NELL1: variants seen among roughly 807,000 people sequenced by gnomAD.
The protein encoded by NELL1 is neural EGFL like 1.
In NELL1, 76 loss-of-function variants were observed where a neutral mutation model predicts 107.4. The observed-to-expected ratio is 0.71, with a 90% CI of 0.59 to 0.86. NELL1 has a LOEUF of 0.86. Among genes scored for constraint, NELL1 ranks in the 40% least tolerant of loss-of-function variants. NELL1 has a pLI of 0.00. For missense variants in NELL1, 1,024 were observed against 1,005.5 expected (o/e 1.02, Z -0.25); for synonymous variants, 353 against 341.2 (o/e 1.03, Z -0.38).
At chr11:21,338,634 C>G (rs1370192968) in intron 14 of NELL1, among the ~76,000 whole-genome samples, 1 of 152,092 alleles carries the variant, frequency 6.6e-6, no homozygotes, top group East Asian at 1.9e-4. Flanking sequence ...ATAAAATAGC[C>G]AACATCATTC....
rs151165943 is a variant in NELL1 at position 21,321,512 on chromosome 11, C to G, written c.1550-49341C>G. Among the ~76,000 whole-genome samples the G allele has an allele frequency of 4.9e-3, 740 of 152,266 alleles. 8 individuals carry two copies. The highest frequency in any genetic ancestry group is 0.017 in the African/African-American group (707 of 41,548). On this transcript the variant is annotated intron_variant, in intron 14 of 19. Coordinates refer to ENST00000357134, the MANE Select transcript of NELL1 (RefSeq NM_006157.5). Reference sequence around the variant, plus strand: ...GTTATCTTAAAAAATAAGAGTTCTACTGGTTAAAAGTAAAAAATAACTGAT... The same window carrying G: ...GTTATCTTAAAAAATAAGAGTTCTAGTGGTTAAAAGTAAAAAATAACTGAT...
At chr11:20,855,070 C>T (rs1450018004) in intron 4 of NELL1, among the ~76,000 whole-genome samples, 3 of 152,280 alleles carry the variant, frequency 2.0e-5, no homozygotes, top group African/African-American at 7.2e-5. Flanking sequence ...TACCCTGTGG[C>T]GTATTCATAT....
Position 20,681,815 on chromosome 11 carries a change from G to C in NELL1, c.184+3755G>C, listed in dbSNP as rs182462138. ...TATTCATTCAGTTCATTGCCTGTTG[G>C]AGCTTCCAGAAATTGCCACATTCCT... On this transcript the variant is annotated intron_variant, in intron 2 of 19. Coordinates refer to ENST00000357134, the MANE Select transcript of NELL1 (RefSeq NM_006157.5). Among the ~76,000 whole-genome samples the C allele has an allele frequency of 4.6e-5, 7 of 152,114 alleles. No homozygotes were observed. The East Asian group carries it at 1.2e-3, about 25-fold the overall frequency.
chr11:21,562,340 T>A (rs1445178207), intron 17 of NELL1, among the ~76,000 whole-genome samples: 1 of 152,088 alleles, frequency 6.6e-6, no homozygotes, highest in Non-Finnish European at 1.5e-5. Flanking sequence ...TAATCTAATT[T>A]TGTTAATATG....
intron 15 of NELL1, among the ~76,000 whole-genome samples, chr11:21,419,404 T>C (rs975759418): frequency 6.6e-6 from 1 of 152,140 alleles, no homozygotes; most frequent in Non-Finnish European, 1.5e-5. Flanking sequence ...GTAATAATGC[T>C]AGCCTGCACA....
chr11:20,993,909 A>G (rs2134262200), intron 12 of NELL1, among the ~76,000 whole-genome samples: 1 of 147,972 alleles, frequency 6.8e-6, no homozygotes, highest in South Asian at 2.2e-4. Context: ...AAAAAAAAAA[A>G]AATCAGTACG....
At chr11:21,173,569 G>C (rs1432472254) in intron 13 of NELL1, among the ~76,000 whole-genome samples, 5 of 151,754 alleles carry the variant, frequency 3.3e-5, no homozygotes, top group Non-Finnish European at 5.9e-5. Context: ...CTTCAGTTTA[G>C]TTCAACAGTT....
In NELL1 at chr11:21,393,460, T is replaced by TA. The variant is rs535453021; in HGVS notation, c.1645+22520dup. 2.4e-3 allele frequency among the ~76,000 whole-genome samples: 364 copies of TA among 151,670 alleles called. 2 individuals carry two copies. The highest frequency in any genetic ancestry group is 8.2e-3 in the African/African-American group (340 of 41,462). On this transcript the variant is annotated intron_variant, in intron 15 of 19. Coordinates refer to ENST00000357134, the MANE Select transcript of NELL1 (RefSeq NM_006157.5). ...AACGCTGAATAGAAAACAGTAAAGC[T>TA]AAAAAAAATTCTGTGGCTGATGAGC...
intron 2 of NELL1, among the ~76,000 whole-genome samples, chr11:20,688,181 T>G (rs1480776336): frequency 1.0e-5 from 1 of 95,576 alleles, no homozygotes; most frequent in Non-Finnish European, 2.3e-5. Context: ...GAGAGAGAAC[T>G]TTTTTTTTAT....
At chr11:21,517,729 T>A (rs1322119745) in intron 15 of NELL1, among the ~76,000 whole-genome samples, 4 of 152,102 alleles carry the variant, frequency 2.6e-5, no homozygotes, top group Non-Finnish European at 4.4e-5. Context: ...CAGCAAATGG[T>A]CATGGGCAAT....
At chr11:21,206,606 G>A (rs900181053) in intron 13 of NELL1, among the ~76,000 whole-genome samples, 18 of 152,074 alleles carry the variant, frequency 1.2e-4, no homozygotes, top group Non-Finnish European at 2.4e-4. Flanking sequence ...CCTCCCCACT[G>A]CCTTTTCTTT....
At chr11:20,778,498 CTTTTTTTTT>C (rs1161737750) in intron 2 of NELL1, among the ~76,000 whole-genome samples, 2 of 73,020 alleles carry the variant, frequency 2.7e-5, no homozygotes, top group Admixed American at 1.5e-4. Context: ...TCACCCAGCA[CTTTTTTTTT>C]TTTTTTTTTT....
chr11:20,675,642 C>A (rs550318500), intron 1 of NELL1, among the ~76,000 whole-genome samples: 2 of 152,066 alleles, frequency 1.3e-5, no homozygotes, highest in African/African-American at 4.8e-5. Flanking sequence ...TAATTTCTGC[C>A]CTTAAGCATA....
At chr11:21,367,989 G>A (rs779848718) in intron 14 of NELL1, among the ~76,000 whole-genome samples, 3 of 152,072 alleles carry the variant, frequency 2.0e-5, no homozygotes, top group Non-Finnish European at 2.9e-5. Context: ...ATCAAGAAGA[G>A]CCTGTCCATA....
chr11:21,309,440 C>T (rs1849700451), intron 14 of NELL1, among the ~76,000 whole-genome samples: 1 of 151,102 alleles, frequency 6.6e-6, no homozygotes, highest in South Asian at 2.1e-4. Context: ...GATGTGAAAA[C>T]AAATATTCCT....
chr11:21,264,853 CT>C (rs1400244481), intron 14 of NELL1, among the ~76,000 whole-genome samples: 346 of 151,928 alleles, frequency 2.3e-3, no homozygotes, highest in African/African-American at 8.0e-3. Flanking sequence ...CAAAGAGATT[CT>C]CTTGCTTTAT....
intron 15 of NELL1, among the ~76,000 whole-genome samples, chr11:21,521,781 CTTA>C (rs1408145838): frequency 6.6e-6 from 1 of 152,024 alleles, no homozygotes; most frequent in East Asian, 1.9e-4. Context: ...TAATTTTTGT[CTTA>C]TTAATAATAG....
intron 4 of NELL1, among the ~76,000 whole-genome samples, chr11:20,859,007 C>T (rs1159050342): frequency 1.3e-5 from 2 of 152,176 alleles, no homozygotes; most frequent in Non-Finnish European, 1.5e-5. Context: ...CTGCATTTTG[C>T]CTGAGGAACG....
At chr11:20,691,883 G>C in intron 2 of NELL1, among the ~76,000 whole-genome samples, 1 of 152,088 alleles carries the variant, frequency 6.6e-6, no homozygotes. Flanking sequence ...TTGTACCTCT[G>C]GTAGAATTCG....
Sources: allele counts gnomAD v4.1 joint callset (sites outside exome capture counted in the v4.1 genomes callset), GRCh38; gene constraint gnomAD v4.1.1; transcripts MANE v1.5; gene names NCBI Gene and HGNC (gene_info 2026-07-23, HGNC 2026-07-21).